CTNNA2: variants seen among roughly 807,000 people sequenced by gnomAD.
The protein encoded by CTNNA2 is catenin alpha-2.
In CTNNA2, 42 loss-of-function variants were observed where a neutral mutation model predicts 101.0. The ratio of observed to expected loss-of-function variants is 0.42; its 90% CI spans 0.32 to 0.54. The LOEUF (loss-of-function observed/expected upper bound fraction) is 0.54. Among genes scored for constraint, CTNNA2 ranks in the 20% least tolerant of loss-of-function variants. The pLI is 0.14. For synonymous variants in CTNNA2, 450 were observed against 456.4 expected, an observed-to-expected ratio of 0.99 and a Z score of 0.18; for missense variants, 871 against 1,223.1, an observed-to-expected ratio of 0.71 and a Z score of 4.29.
At chr2:79,619,721 C>T (rs574129595) in intron 1 of CTNNA2, among the ~76,000 whole-genome samples, 1 of 152,254 alleles carries the variant, frequency 6.6e-6, no homozygotes, top group African/African-American at 2.4e-5. Context: ...TATTAAATGG[C>T]TCAGACAGAT....
intron 1 of CTNNA2, among the ~76,000 whole-genome samples, chr2:79,624,459 A>G (rs77029336): frequency 0.041 from 6,306 of 152,238 alleles, 354 homozygotes; most frequent in African/African-American, 0.12. Context: ...TTGATGACAG[A>G]AGCCTGGAGA....
chr2:80,180,807 C>T (rs971595331), intron 7 of CTNNA2, among the ~76,000 whole-genome samples: 1 of 152,212 alleles, frequency 6.6e-6, no homozygotes, highest in African/African-American at 2.4e-5. Flanking sequence ...CTACATTAAA[C>T]CAATGGAGAG....
At chr2:80,602,896 A>G (rs1030649136) in intron 15 of CTNNA2, among the ~76,000 whole-genome samples, 1 of 152,144 alleles carries the variant, frequency 6.6e-6, no homozygotes, top group Admixed American at 6.6e-5. Flanking sequence ...TGACTAATGT[A>G]GAAAAATCCA....
At chr2:79,377,886 C>T (rs1413366103) in intron 4 of CTNNA2, among the ~76,000 whole-genome samples, 1 of 152,090 alleles carries the variant, frequency 6.6e-6, no homozygotes, top group Non-Finnish European at 1.5e-5. Context: ...TAATACAGTC[C>T]TTAGTCTCTG....
At chr2:80,202,973 T>C (rs535596037) in intron 7 of CTNNA2, among the ~76,000 whole-genome samples, 1 of 152,238 alleles carries the variant, frequency 6.6e-6, no homozygotes, top group East Asian at 1.9e-4. Context: ...GCAAGGCAGA[T>C]CTTACATGGA....
intron 9 of CTNNA2, among the ~76,000 whole-genome samples, chr2:80,484,236 C>A (rs1261297460): frequency 6.6e-6 from 1 of 151,888 alleles, no homozygotes; most frequent in Non-Finnish European, 1.5e-5. Context: ...ACATTTAAAG[C>A]AAGATTTGTG....
chr2:79,843,215 T>C (rs1343363996), intron 3 of CTNNA2, among the ~76,000 whole-genome samples: 1 of 152,254 alleles, frequency 6.6e-6, no homozygotes, highest in Non-Finnish European at 1.5e-5. Context: ...AAAGTTGATG[T>C]GATGTGTGTA....
intron 3 of CTNNA2, among the ~76,000 whole-genome samples, chr2:79,799,218 C>T (rs1215882145): frequency 6.6e-6 from 1 of 151,646 alleles, no homozygotes; most frequent in Non-Finnish European, 1.5e-5. Context: ...CTCATTCCCC[C>T]TCTTCTTAAA....
intron 6 of CTNNA2, among the ~76,000 whole-genome samples, chr2:79,906,255 C>T (rs1203317568): frequency 1.3e-5 from 2 of 151,860 alleles, no homozygotes; most frequent in African/African-American, 4.8e-5. Flanking sequence ...ACACACACAG[C>T]TCCACATACA....
intron 6 of CTNNA2, among the ~76,000 whole-genome samples, chr2:79,884,303 A>G (rs1038546199): frequency 1.3e-5 from 2 of 152,172 alleles, no homozygotes; most frequent in African/African-American, 4.8e-5. Flanking sequence ...ACAACCTAAA[A>G]AGAAAATAAA....
chr2:80,054,658 T>C (rs1572956374), intron 7 of CTNNA2, among the ~76,000 whole-genome samples: 1 of 152,106 alleles, frequency 6.6e-6, no homozygotes, highest in South Asian at 2.1e-4. Flanking sequence ...CGCAAGGAGA[T>C]GTGGGAACCA....
chr2:79,263,364 A>C (rs2104289597), intron 2 of CTNNA2, among the ~76,000 whole-genome samples: 1 of 152,164 alleles, frequency 6.6e-6, no homozygotes, highest in Non-Finnish European at 1.5e-5. Flanking sequence ...AAAAGAGTGT[A>C]ACATCTTCCC....
intron 3 of CTNNA2, among the ~76,000 whole-genome samples, chr2:79,330,075 G>A (rs1676836938): frequency 6.6e-6 from 1 of 152,134 alleles, no homozygotes; most frequent in African/African-American, 2.4e-5. Context: ...AGTGGTTGTG[G>A]TGGTGTCATC....
At chr2:80,232,341 G>GTTGTTTTTTTTTTTTT (rs1709276642) in intron 7 of CTNNA2, among the ~76,000 whole-genome samples, 2 of 82,056 alleles carry the variant, frequency 2.4e-5, no homozygotes, top group African/African-American at 6.6e-5. Context: ...TTGTTTGTTT[G>GTTGTTTTTTTTTTTTT]TTTGTTTTTT....
chr2:80,351,983 C>A (rs1573808222), intron 7 of CTNNA2, among the ~76,000 whole-genome samples: 1 of 152,112 alleles, frequency 6.6e-6, no homozygotes. Context: ...CCTCTCTTTG[C>A]AGGGACACAG....
intron 7 of CTNNA2, among the ~76,000 whole-genome samples, chr2:80,130,289 C>A (rs146343574): frequency 6.6e-6 from 1 of 152,292 alleles, no homozygotes; most frequent in East Asian, 1.9e-4. Flanking sequence ...GTAATTACTA[C>A]AAATAATTAA....
chr2:79,366,385 AC>A (rs1415073776), intron 3 of CTNNA2, among the ~76,000 whole-genome samples: 1 of 152,114 alleles, frequency 6.6e-6, no homozygotes, highest in Admixed American at 6.5e-5. Context: ...AGGAACAATG[AC>A]CTATTTTTCT....
chr2:79,738,142 A>G (rs548058325), intron 2 of CTNNA2, among the ~76,000 whole-genome samples: 1 of 152,332 alleles, frequency 6.6e-6, no homozygotes, highest in African/African-American at 2.4e-5. Flanking sequence ...TCTCAGTTTT[A>G]TACTCACATC....
chr2:80,024,569 C>T (rs780106887), intron 7 of CTNNA2, among the ~76,000 whole-genome samples: 1 of 152,156 alleles, frequency 6.6e-6, no homozygotes, highest in African/African-American at 2.4e-5. Flanking sequence ...AGGGGAAGCA[C>T]GCAGGTGAGC....
Sources: allele counts gnomAD v4.1 joint callset (sites outside exome capture counted in the v4.1 genomes callset), GRCh38; gene constraint gnomAD v4.1.1; transcripts MANE v1.5; gene names NCBI Gene and HGNC (gene_info 2026-07-23, HGNC 2026-07-21).